Variants in ZC3H3 observed in about 807,000 individuals in gnomAD.
ZC3H3 encodes the protein zinc finger CCCH-type containing 3, also known as zinc finger CCCH domain-containing protein 3.
In ZC3H3, 36 loss-of-function variants were observed where a neutral mutation model predicts 77.3. The observed-to-expected ratio is 0.47, with a 90% CI of 0.36 to 0.61. The LOEUF (loss-of-function observed/expected upper bound fraction) is 0.61, where lower values mean the gene tolerates loss of function less well. Among genes scored for constraint, ZC3H3 ranks in the 20% least tolerant of loss-of-function variants. The pLI is 0.00. For synonymous variants in ZC3H3, 626 were observed against 555.2 expected, an observed-to-expected ratio of 1.13 and a Z score of -1.79; for missense variants, 1,331 against 1,312.2, an observed-to-expected ratio of 1.01 and a Z score of -0.22.
intron 3 of ZC3H3, among the ~76,000 whole-genome samples, chr8:143,509,450 C>T (rs1821806601): frequency 6.6e-6 from 1 of 152,234 alleles, no homozygotes; most frequent in South Asian, 2.1e-4. Flanking sequence ...AGCCTTGGCA[C>T]CTGGGCAGTC....
intron 3 of ZC3H3, among the ~76,000 whole-genome samples, chr8:143,514,503 CT>C (rs1464357048): frequency 6.6e-6 from 1 of 152,240 alleles, no homozygotes; most frequent in Non-Finnish European, 1.5e-5. Flanking sequence ...CACGCAGAGA[CT>C]GACATGCACA....
intron 4 of ZC3H3, among the ~76,000 whole-genome samples, chr8:143,497,492 C>T (rs899926152): frequency 6.6e-6 from 1 of 152,358 alleles, no homozygotes; most frequent in African/African-American, 2.4e-5. Context: ...AGCAGTACCA[C>T]CTCCGACAGG....
Position 143,485,903 on chromosome 8 carries a change from C to A in ZC3H3, c.1716-10318G>T, listed in dbSNP as rs368433692. ...CGGGATGGGCGTGAGGCCCCACACC[C>A]CCCAGCATGGCAAGAACAGGAGACA... On this transcript the variant is annotated intron_variant, in intron 4 of 11. Transcript: ENST00000262577. Among the ~76,000 whole-genome samples the A allele has an allele frequency of 2.0e-5, 3 of 152,384 alleles. No homozygotes were observed. The South Asian group carries it at 6.2e-4, about 32-fold the overall frequency.
chr8:143,469,795 C>T (rs1254030173), intron 5 of ZC3H3, among the ~76,000 whole-genome samples: 1 of 152,202 alleles, frequency 6.6e-6, no homozygotes, highest in Non-Finnish European at 1.5e-5. Flanking sequence ...CAGGACCAGC[C>T]TGCTGAGGGC....
intron 5 of ZC3H3, among the ~76,000 whole-genome samples, chr8:143,469,376 G>A (rs531102515): frequency 1.3e-5 from 2 of 152,358 alleles, no homozygotes; most frequent in South Asian, 4.1e-4. Flanking sequence ...TGGGGGCAAA[G>A]CCCGCTTGGC....
At position 143,469,825 on chromosome 8, in the gene ZC3H3, A is replaced by G. The variant is rs558035284; in HGVS notation, c.1904-1166T>C. Among the ~76,000 whole-genome samples the G allele has an allele frequency of 3.3e-4, 50 of 152,328 alleles. No homozygotes were observed. The South Asian group carries it at 9.5e-3, about 29-fold the overall frequency. Reference sequence around the variant, plus strand: ...GAGGGCGGCTTTCCCGGGTTCCTCAAATACGCGCATGATCCTTCCCAGACC... The same window carrying G: ...GAGGGCGGCTTTCCCGGGTTCCTCAGATACGCGCATGATCCTTCCCAGACC... On this transcript the variant is annotated intron_variant, in intron 5 of 11. Transcript: ENST00000262577.
rs372099 is a variant in ZC3H3, at chr8:143,494,978, G to T, written c.1715+12768C>A. On this transcript the variant is annotated intron_variant, in intron 4 of 11. Transcript: ENST00000262577. This position sits in a 1 kb window ranked among gnomAD's most constrained non-coding sequence, Gnocchi z 5.3. Reference sequence around the variant, plus strand: ...ACACGTGAGAATGCAGATTAGAAAGGCGGTAACACCACGTCTGAGGGGAAC... The same window carrying T: ...ACACGTGAGAATGCAGATTAGAAAGTCGGTAACACCACGTCTGAGGGGAAC... Among the ~76,000 whole-genome samples, 1 of 152,072 alleles carries T rather than the reference G, an allele frequency of 6.6e-6. No homozygotes were observed. Among genetic ancestry groups the T allele is most frequent in the Non-Finnish European group, 1.5e-5 (1 of 68,018 alleles).
intron 3 of ZC3H3, among the ~76,000 whole-genome samples, chr8:143,518,881 C>T (rs1586950460): frequency 6.6e-6 from 1 of 152,266 alleles, no homozygotes; most frequent in African/African-American, 2.4e-5. Flanking sequence ...CTCCCCTGGC[C>T]TTGACCGGGG....
At chr8:143,503,175 G>A (rs1821577168) in intron 4 of ZC3H3, among the ~76,000 whole-genome samples, 1 of 152,162 alleles carries the variant, frequency 6.6e-6, no homozygotes, top group African/African-American at 2.4e-5. Context: ...CCACATGGCC[G>A]GGCATCTGCA....
chr8:143,485,510 C>T (rs561768855), intron 4 of ZC3H3, among the ~76,000 whole-genome samples: 91 of 152,250 alleles, frequency 6.0e-4, no homozygotes, highest in African/African-American at 2.1e-3. Flanking sequence ...GACAAAAGGA[C>T]TCTGGCCCCT....
intron 3 of ZC3H3, among the ~76,000 whole-genome samples, chr8:143,516,778 G>A (rs565487070): frequency 6.6e-6 from 1 of 152,282 alleles, no homozygotes; most frequent in South Asian, 2.1e-4. Context: ...TCATGTCCTG[G>A]CCTCGCGTCC....
chr8:143,470,382 G>A (rs1041894709), intron 5 of ZC3H3, among the ~76,000 whole-genome samples: 2 of 152,234 alleles, frequency 1.3e-5, no homozygotes, highest in African/African-American at 2.4e-5. Flanking sequence ...GGGGCCAGGG[G>A]CAAAGGGAGG....
At chr8:143,469,380 G>A (rs748021993) in intron 5 of ZC3H3, among the ~76,000 whole-genome samples, 33 of 152,256 alleles carry the variant, frequency 2.2e-4, no homozygotes, top group Non-Finnish European at 4.0e-4. Context: ...GGCAAAGCCC[G>A]CTTGGCGGAG....
intron 3 of ZC3H3, among the ~76,000 whole-genome samples, chr8:143,513,606 G>A (rs530833508): frequency 1.3e-5 from 2 of 152,232 alleles, no homozygotes; most frequent in Non-Finnish European, 2.9e-5. Flanking sequence ...ATTTCAGACC[G>A]TGACATATGT....
At chr8:143,492,287 G>T (rs1242380700) in intron 4 of ZC3H3, among the ~76,000 whole-genome samples, 1 of 152,144 alleles carries the variant, frequency 6.6e-6, no homozygotes. Flanking sequence ...CACAGTCAGG[G>T]GATACACACC....
intron 3 of ZC3H3, among the ~76,000 whole-genome samples, chr8:143,508,827 G>A (rs989093347): frequency 1.3e-5 from 2 of 151,960 alleles, no homozygotes; most frequent in African/African-American, 4.8e-5. Context: ...CTGTGCCCGG[G>A]ACCCCTGACT....
intron 4 of ZC3H3, among the ~76,000 whole-genome samples, chr8:143,501,103 C>G (rs1290548565): frequency 1.3e-5 from 2 of 151,782 alleles, no homozygotes; most frequent in Non-Finnish European, 2.9e-5. Context: ...AGGGGTGAGC[C>G]ACTGCACCCG....
intron 9 of ZC3H3, among the ~76,000 whole-genome samples, chr8:143,443,395 C>T (rs975022135): frequency 6.6e-6 from 1 of 151,272 alleles, no homozygotes; most frequent in Non-Finnish European, 1.5e-5. Context: ...TGAAATGAAT[C>T]TTAAATTTCA....
In ZC3H3 at chr8:143,460,617, T is replaced by C. The variant is rs1397575499; in HGVS notation, c.2307+5100A>G. Among the ~76,000 whole-genome samples, 1 of 152,088 alleles carries C rather than the reference T, an allele frequency of 6.6e-6. No individual in the cohort carries two copies. The highest frequency in any genetic ancestry group is 1.5e-5 in the Non-Finnish European group (1 of 68,032). On this transcript the variant is annotated intron_variant, in intron 9 of 11. Transcript: ENST00000262577. This position sits in a 1 kb window ranked among gnomAD's most constrained non-coding sequence, Gnocchi z 4.0. ...CAAACAGATACCTGGCTGTCAGGAA[T>C]CACTACAGCACCAGTCACAGTAGCC...
Sources: allele counts gnomAD v4.1 joint callset (sites outside exome capture counted in the v4.1 genomes callset), GRCh38; gene constraint gnomAD v4.1.1; non-coding constraint Gnocchi (gnomAD v3.1); transcripts MANE v1.5; gene names NCBI Gene and HGNC (gene_info 2026-07-23, HGNC 2026-07-21).